Variants in CIRSR observed in about 807,000 individuals in gnomAD.
CIRSR encodes CBF1 (RBPJ) interacting corepressor 1.
the CIRSR span, among the ~76,000 whole-genome samples, chr2:174,362,763 G>A: frequency 6.7e-6 from 1 of 149,214 alleles, no homozygotes; most frequent in East Asian, 2.0e-4. Context: ...CCGCTGCCCT[G>A]AAAACTGGAG....
the CIRSR span, among the ~76,000 whole-genome samples, chr2:174,353,717 C>T: frequency 1.3e-5 from 2 of 152,204 alleles, no homozygotes; most frequent in Non-Finnish European, 2.9e-5. Flanking sequence ...CTGCCAGCCT[C>T]AGCCTCCTAA....
chr2:174,384,608 A>G, the CIRSR span, among the ~76,000 whole-genome samples: 1 of 151,968 alleles, frequency 6.6e-6, no homozygotes, highest in Admixed American at 6.5e-5. Flanking sequence ...GGTTTTTTTT[A>G]GAGACAAAGT....
chr2:174,368,686 A>G, the CIRSR span, among the ~76,000 whole-genome samples: 1 of 152,204 alleles, frequency 6.6e-6, no homozygotes, highest in East Asian at 1.9e-4. Flanking sequence ...TCTCTAAAAA[A>G]GAAAATGAAA....
the CIRSR span, among the ~76,000 whole-genome samples, chr2:174,377,050 C>T: frequency 2.0e-5 from 3 of 152,122 alleles, no homozygotes; most frequent in Non-Finnish European, 2.9e-5. Context: ...GGAGTCTATA[C>T]TACTCAGGAT....
the CIRSR span, among the ~76,000 whole-genome samples, chr2:174,382,650 T>C: frequency 0.98 from 149,459 of 152,120 alleles, 73,444 homozygotes; most frequent in East Asian, 1. Flanking sequence ...AAAACAACAA[T>C]AGCAAAAAAG....
the CIRSR span, chr2:174,380,753 T>C: frequency 1.9e-6 from 3 of 1,607,370 alleles, no homozygotes; most frequent in Middle Eastern, 1.7e-4. Context: ...AATTTTTCCA[T>C]ATAATACAAT....
the CIRSR span, among the ~76,000 whole-genome samples, chr2:174,389,368 G>T: frequency 6.6e-6 from 1 of 152,182 alleles, no homozygotes; most frequent in Non-Finnish European, 1.5e-5. Flanking sequence ...AACCTTTTGG[G>T]AAGTGGAGTA....
chr2:174,380,044 C>G, the CIRSR span, among the ~76,000 whole-genome samples: 1 of 151,938 alleles, frequency 6.6e-6, no homozygotes, highest in South Asian at 2.1e-4. Context: ...TTTTATCAGC[C>G]TACTACATTT....
At chr2:174,376,491 A>C in the CIRSR span, among the ~76,000 whole-genome samples, 78 of 152,246 alleles carry the variant, frequency 5.1e-4, no homozygotes, top group Middle Eastern at 3.4e-3. Flanking sequence ...TTATAAGGTT[A>C]ATGAATAGAA....
the CIRSR span, chr2:174,395,654 A>G: frequency 6.2e-7 from 1 of 1,614,062 alleles, no homozygotes; most frequent in African/African-American, 1.3e-5. Flanking sequence ...AGCAGGGGCT[A>G]GATCTGTTAG....
At chr2:174,391,542 A>C in the CIRSR span, among the ~76,000 whole-genome samples, 1 of 152,150 alleles carries the variant, frequency 6.6e-6, no homozygotes, top group Non-Finnish European at 1.5e-5. Context: ...GTGAGCTGAG[A>C]CTGCATCACT....
the CIRSR span, among the ~76,000 whole-genome samples, chr2:174,349,338 G>A: frequency 5.9e-5 from 9 of 151,854 alleles, no homozygotes; most frequent in Admixed American, 2.0e-4. Context: ...AGGCCACGGC[G>A]GGCGGATCAC....
chr2:174,382,468 G>A, the CIRSR span, among the ~76,000 whole-genome samples: 3 of 152,032 alleles, frequency 2.0e-5, no homozygotes, highest in South Asian at 2.1e-4. Context: ...CAGAAACCCC[G>A]TCTCTACCAA....
the CIRSR span, among the ~76,000 whole-genome samples, chr2:174,359,351 A>G: frequency 2.4e-3 from 365 of 151,332 alleles, no homozygotes; most frequent in Non-Finnish European, 3.1e-3. Flanking sequence ...AAAAAAAAAA[A>G]AGAGATTTTA....
chr2:174,389,178 G>A, the CIRSR span, among the ~76,000 whole-genome samples: 4 of 152,216 alleles, frequency 2.6e-5, no homozygotes, highest in East Asian at 7.7e-4. Flanking sequence ...ACAGGTGGAG[G>A]TTGGAACAGG....
At chr2:174,370,724 C>T in the CIRSR span, among the ~76,000 whole-genome samples, 3 of 152,180 alleles carry the variant, frequency 2.0e-5, no homozygotes, top group East Asian at 1.9e-4. Context: ...ACCATCCTGG[C>T]TAACACGGTG....
At chr2:174,390,690 G>A in the CIRSR span, among the ~76,000 whole-genome samples, 244 of 152,126 alleles carry the variant, frequency 1.6e-3, no homozygotes, top group Non-Finnish European at 3.1e-3. Context: ...TAATCCCCGC[G>A]TATCGTGGGA....
At chr2:174,395,187 C>G in the CIRSR span, among the ~76,000 whole-genome samples, 1 of 152,118 alleles carries the variant, frequency 6.6e-6, no homozygotes, top group Non-Finnish European at 1.5e-5. Context: ...AACGGGGAGG[C>G]TTCTTTGTAC....
the CIRSR span, chr2:174,379,057 G>A: frequency 1.3e-5 from 21 of 1,558,848 alleles, no homozygotes; most frequent in South Asian, 2.2e-4. Context: ...AATAATGAAT[G>A]TGATTTTGGT....
Sources: allele counts gnomAD v4.1 joint callset (sites outside exome capture counted in the v4.1 genomes callset), GRCh38; gene constraint gnomAD v4.1.1; transcripts MANE v1.5; gene names NCBI Gene and HGNC (gene_info 2026-07-23, HGNC 2026-07-21).